The following MAGI2 variants were observed in gnomAD, a reference collection of about 807,000 sequenced individuals.
MAGI2 encodes membrane associated guanylate kinase, WW and PDZ domain containing 2.
In MAGI2, 35 loss-of-function variants were observed where a neutral mutation model predicts 133.3. The observed-to-expected ratio is 0.26, with a 90% CI of 0.20 to 0.35. The LOEUF (loss-of-function observed/expected upper bound fraction) is 0.35, where lower values mean the gene tolerates loss of function less well. MAGI2 is among the 10% of genes least tolerant of loss of function. MAGI2 has a pLI of 1.00. For synonymous variants in MAGI2, 729 were observed against 710.6 expected, an observed-to-expected ratio of 1.03 and a Z score of -0.41; for missense variants, 1,636 against 1,863.4, an observed-to-expected ratio of 0.88 and a Z score of 2.25.
intron 1 of MAGI2, among the ~76,000 whole-genome samples, chr7:79,059,255 T>A (rs1813482501): frequency 6.6e-6 from 1 of 152,122 alleles, no homozygotes; most frequent in South Asian, 2.1e-4. Flanking sequence ...TTAATATATG[T>A]TTCTCCCACT....
intron 1 of MAGI2, among the ~76,000 whole-genome samples, chr7:79,263,129 A>G (rs1217028620): frequency 6.6e-6 from 1 of 152,200 alleles, no homozygotes; most frequent in Non-Finnish European, 1.5e-5. Flanking sequence ...AAAAACAACA[A>G]TAATAACCAC....
chr7:79,134,064 G>A (rs924608467), intron 1 of MAGI2, among the ~76,000 whole-genome samples: 2 of 152,008 alleles, frequency 1.3e-5, no homozygotes, highest in African/African-American at 4.8e-5. Flanking sequence ...CTGTACTGTA[G>A]GATATTAATA....
intron 2 of MAGI2, among the ~76,000 whole-genome samples, chr7:78,731,380 C>T (rs949599331): frequency 6.6e-6 from 1 of 152,126 alleles, no homozygotes; most frequent in Non-Finnish European, 1.5e-5. Flanking sequence ...CTCTGGAATA[C>T]AGCCTGAGAA....
intron 16 of MAGI2, among the ~76,000 whole-genome samples, chr7:78,147,983 G>A (rs1330726344): frequency 6.6e-6 from 1 of 151,848 alleles, no homozygotes; most frequent in East Asian, 1.9e-4. Flanking sequence ...ATATAAAATG[G>A]TACAGCCACT....
At chr7:79,450,654 T>G (rs1316096211) in intron 1 of MAGI2, among the ~76,000 whole-genome samples, 1 of 152,078 alleles carries the variant, frequency 6.6e-6, no homozygotes, top group Admixed American at 6.5e-5. Flanking sequence ...ATATTCTGAG[T>G]TCTAAAAGCA....
chr7:78,209,318 G>C (rs973518454), intron 10 of MAGI2, among the ~76,000 whole-genome samples: 1 of 136,998 alleles, frequency 7.3e-6, no homozygotes, highest in Non-Finnish European at 1.6e-5. Context: ...CTGGAGAGCA[G>C]TGGCGCGATC....
intron 1 of MAGI2, among the ~76,000 whole-genome samples, chr7:79,259,293 A>G (rs1563054648): frequency 6.6e-6 from 1 of 152,144 alleles, no homozygotes. Flanking sequence ...CTTAACATAT[A>G]TTTTTTCACT....
At chr7:79,238,892 C>T (rs544287413) in intron 1 of MAGI2, among the ~76,000 whole-genome samples, 51 of 152,198 alleles carry the variant, frequency 3.4e-4, no homozygotes, top group African/African-American at 1.2e-3. Flanking sequence ...TCTCTCAATA[C>T]ATTTTTCAAA....
chr7:79,140,355 A>ATT (rs556752242), intron 1 of MAGI2, among the ~76,000 whole-genome samples: 2 of 152,120 alleles, frequency 1.3e-5, no homozygotes, highest in South Asian at 4.1e-4. Flanking sequence ...GGGAAACATA[A>ATT]TTTTTTGAAA....
rs894970029 is a variant in MAGI2 at position 78,343,723 on chromosome 7, G to C, written c.1408+55C>G. 3.8e-6 allele frequency: 5 copies of C among 1,325,098 alleles called. No homozygotes were observed. The African/African-American group carries it at 7.5e-5, about 20-fold the overall frequency. 82.1% of individuals were successfully genotyped at this position (1,325,098 alleles called of 1,614,324 possible). ...AACACAAAAGAAGCTCCTTATATTT[G>C]CCTTCAGAAAAAAAGATGTTGCAAA... On this transcript the variant is annotated intron_variant, in intron 9 of 21. Transcript: ENST00000354212.
intron 20 of MAGI2, among the ~76,000 whole-genome samples, chr7:78,096,501 C>T (rs1215913018): frequency 6.6e-6 from 1 of 152,094 alleles, no homozygotes; most frequent in African/African-American, 2.4e-5. Flanking sequence ...TAAAACCTGA[C>T]CATATAAAAC....
intron 2 of MAGI2, among the ~76,000 whole-genome samples, chr7:78,974,150 T>C (rs1036597609): frequency 6.6e-6 from 1 of 151,864 alleles, no homozygotes; most frequent in African/African-American, 2.4e-5. Context: ...TAATTACAGG[T>C]TCAATAAAAG....
chr7:79,174,085 T>C (rs1043190291), intron 1 of MAGI2, among the ~76,000 whole-genome samples: 1 of 152,082 alleles, frequency 6.6e-6, no homozygotes, highest in African/African-American at 2.4e-5. Context: ...TTAGACACTT[T>C]CATTTCAGTT....
At chr7:78,984,111 T>G (rs970827173) in intron 2 of MAGI2, among the ~76,000 whole-genome samples, 1 of 151,982 alleles carries the variant, frequency 6.6e-6, no homozygotes, top group African/African-American at 2.4e-5. Context: ...TCATGTTAAC[T>G]CGTTACTTTT....
intron 16 of MAGI2, among the ~76,000 whole-genome samples, chr7:78,148,690 T>G (rs1446596308): frequency 6.6e-6 from 1 of 151,850 alleles, no homozygotes; most frequent in Non-Finnish European, 1.5e-5. Flanking sequence ...GTGGTCAAGG[T>G]TAGGGGAAGC....
chr7:78,611,743 A>G (rs545921904), intron 3 of MAGI2, among the ~76,000 whole-genome samples: 2 of 152,276 alleles, frequency 1.3e-5, no homozygotes, highest in Middle Eastern at 3.4e-3. Context: ...TGAACAGTGC[A>G]GTAGTATGAT....
intron 20 of MAGI2, among the ~76,000 whole-genome samples, chr7:78,082,349 G>T (rs1454798103): frequency 6.6e-6 from 1 of 152,174 alleles, no homozygotes; most frequent in Non-Finnish European, 1.5e-5. Context: ...GAAGCAGAGG[G>T]GTTTAGGGGC....
intron 1 of MAGI2, chr7:79,414,427 A>G (rs1846357679): frequency 1.3e-5 from 2 of 152,048 alleles, no homozygotes; most frequent in South Asian, 2.1e-4. Context: ...GGTGAATTCC[A>G]TTTATTTAGT....
chr7:79,157,978 A>G (rs982422908), intron 1 of MAGI2, among the ~76,000 whole-genome samples: 2 of 128,546 alleles, frequency 1.6e-5, no homozygotes, highest in African/African-American at 7.3e-5. Flanking sequence ...GTGTGTGTGT[A>G]TTTAAAAGAC....
Sources: allele counts gnomAD v4.1 joint callset (sites outside exome capture counted in the v4.1 genomes callset), GRCh38; gene constraint gnomAD v4.1.1; transcripts MANE v1.5; gene names NCBI Gene and HGNC (gene_info 2026-07-23, HGNC 2026-07-21).